Variants in ZNF133 observed in about 807,000 individuals in gnomAD.
The protein encoded by ZNF133 is zinc finger protein 133.
A neutral mutation model predicts 54.9 loss-of-function variants in ZNF133; 26 were observed. The observed-to-expected ratio is 0.47, with a 90% CI of 0.35 to 0.66. ZNF133 has a LOEUF of 0.66. Ranked by LOEUF, ZNF133 falls within the 30% of genes least tolerant of loss-of-function variation. The pLI is 0.01. For missense variants in ZNF133, 653 were observed against 820.8 expected (o/e 0.80, Z 2.50); for synonymous variants, 298 against 320.3 (o/e 0.93, Z 0.74).
In ZNF133 at chr20:18,315,510, G is replaced by A; in HGVS notation, c.659G>A (p.Gly220Glu). The change falls in exon 7 of 7, where the codon GGA (glycine) becomes GAA (glutamate). Residue 220 changes from glycine (G) to glutamate (E), a missense_variant. Gly to Glu is a moderately conservative substitution (Grantham distance 98). Around this residue, in one of 4 missense-constraint regions of ZNF133, gnomAD observed 292 missense variants for 431.6 expected, o/e 0.68. Coordinates refer to ENST00000425686, the MANE Select transcript of ZNF133 (RefSeq NM_001352452.2). ...GGAACAGTCAACTGTGGAGAGTGTG[G>A]ACTGAGCTTCAGCAAGATGACAAAC... The part of the protein sequence containing the change: ...GFGTVNCGEC[G>E]LSFSKMTNLL... 6.2e-7 allele frequency: 1 copy of A among 1,614,194 alleles called. No homozygotes were observed. The highest frequency in any genetic ancestry group is 1.1e-5 in the South Asian group (1 of 91,086).
intron 3 of ZNF133, among the ~76,000 whole-genome samples, chr20:18,299,894 C>T (rs1017588758): frequency 3.3e-5 from 5 of 152,176 alleles, no homozygotes; most frequent in African/African-American, 9.6e-5. Flanking sequence ...AAGACATTCT[C>T]GATAAGTTGG....
intron 3 of ZNF133, among the ~76,000 whole-genome samples, chr20:18,304,763 C>G (rs1016056208): frequency 6.6e-6 from 1 of 152,190 alleles, no homozygotes; most frequent in African/African-American, 2.4e-5. Flanking sequence ...TTAATAGTTA[C>G]AGTGTTTCAA....
At chr20:18,310,170 A>G (rs2045550763) in intron 6 of ZNF133, 3 of 1,340,048 alleles carry the variant, frequency 2.2e-6, no homozygotes, top group Non-Finnish European at 2.9e-6. Context: ...AATTTAAAGA[A>G]AAACAGCAGC....
rs1354820001 is a variant in ZNF133, at chr20:18,305,293, G to A, written c.-7+115G>A. The stretch of plus-strand genomic sequence containing the variant: ...CCATCAGGCCCGAGAAAGCCAAGCC[G>A]TAGGATTTTGAGGAATTACTGAGTT... On this transcript the variant is annotated intron_variant, in intron 4 of 6. Coordinates refer to ENST00000425686, the MANE Select transcript of ZNF133 (RefSeq NM_001352452.2). The surrounding 1 kb of genome is among the most constrained non-coding windows in gnomAD (Gnocchi z 4.7). The A allele has an allele frequency of 1.0e-5, 8 of 765,104 alleles. No homozygotes were observed. The highest frequency in any genetic ancestry group is 5.4e-5 in the South Asian group (1 of 18,398). 47.4% of individuals were successfully genotyped at this position (765,104 alleles called of 1,614,324 possible).
rs531102645 is a variant in ZNF133 at position 18,294,402 on chromosome 20, C to T, written c.-431-3583C>T. Among the ~76,000 whole-genome samples the T allele has an allele frequency of 1.5e-4, 23 of 152,286 alleles. 1 individual carries two copies. In the South Asian group the frequency reaches 4.8e-3, roughly 32 times the overall value. ...ATGACAACTAAAGGCAATGTGGAAA[C>T]CTCAGTTGGATCCTGGACCAGAAAA... is the stretch of plus-strand genomic sequence containing the variant. On this transcript the variant is annotated intron_variant, in intron 1 of 6. Coordinates refer to ENST00000425686, the MANE Select transcript of ZNF133 (RefSeq NM_001352452.2).
rs759035597 is a variant in ZNF133 at position 18,315,278 on chromosome 20, G to A, written c.427G>A (p.Ala143Thr). 1 of 1,614,086 alleles carries A rather than the reference G, an allele frequency of 6.2e-7. No individual in the cohort carries two copies. The stretch of plus-strand genomic sequence containing the variant: ...TGAGGGGAGACCCTGGAGTGATCAA[G>A]CAGAAGGTCCTGAGGGAGAAGGTGC... ...ASEGRPWSDQ[A>T]EGPEGEGAMP... Residue 143 changes from alanine (A) to threonine (T), a missense_variant, in exon 7 of 7, where the codon GCA becomes ACA. Physicochemically the swap from Ala to Thr is moderately conservative, Grantham distance 58. Transcript: ENST00000425686.
chr20:18,314,761 T>C (rs1055830691), intron 6 of ZNF133: 14 of 272,214 alleles, frequency 5.1e-5, no homozygotes, highest in Admixed American at 4.4e-4. Context: ...TGGTTGTGAG[T>C]TAGAAGGTAA....
At position 18,316,916 on chromosome 20, in the gene ZNF133, G is replaced by C. The variant is rs189791817; in HGVS notation, c.*100G>C. The C allele has an allele frequency of 1.9e-5, 26 of 1,377,580 alleles. No homozygotes were observed. The African/African-American group carries it at 2.9e-4, about 15-fold the overall frequency. The allele number at this position is 1,377,580 out of a possible 1,614,324, so 85.3% of individuals were successfully genotyped here. A position where few individuals can be genotyped will look rare whatever the true frequency, so the allele number is the denominator to read the frequency against. On this transcript the variant is annotated 3_prime_UTR_variant, in exon 7 of 7. Coordinates refer to ENST00000425686, the MANE Select transcript of ZNF133 (RefSeq NM_001352452.2). ...GTAAGTGGTCAAAGGACATTTGACT[G>C]TTTACTTTCTCCACACTAAGTCTTC... is the stretch of plus-strand genomic sequence containing the variant.
At chr20:18,292,814 G>A (rs1000154269) in intron 1 of ZNF133, among the ~76,000 whole-genome samples, 2 of 152,194 alleles carry the variant, frequency 1.3e-5, no homozygotes, top group South Asian at 4.1e-4. Context: ...ATAAATACTT[G>A]CCAAATGAAG....
chr20:18,296,160 CTCTT>C (rs1254075293), intron 1 of ZNF133, among the ~76,000 whole-genome samples: 1 of 152,100 alleles, frequency 6.6e-6, no homozygotes, highest in Non-Finnish European at 1.5e-5. Flanking sequence ...TGTTTTCCTC[CTCTT>C]TCTTCTCCCC....
intron 1 of ZNF133, among the ~76,000 whole-genome samples, chr20:18,294,894 A>G (rs1438258463): frequency 2.0e-5 from 3 of 152,162 alleles, no homozygotes; most frequent in African/African-American, 4.8e-5. Context: ...TTTTGCTTCA[A>G]TATTTGTAAG....
In ZNF133 at chr20:18,315,144, A is replaced by C. The variant is rs758224318; in HGVS notation, c.293A>C (p.His98Pro). The change falls in exon 7 of 7, where the codon CAT becomes CCT. Residue 98 changes from histidine to proline, a missense_variant. Physicochemically the swap from His to Pro is moderately conservative, Grantham distance 77. Coordinates refer to ENST00000425686, the MANE Select transcript of ZNF133 (RefSeq NM_001352452.2). Reference protein sequence around the residue: ...GFSSQKFPMQHVLCNHPPWIF... With the variant: ...GFSSQKFPMQPVLCNHPPWIF... Reference sequence around the variant, plus strand: ...TCCAGTCAGAAATTCCCCATGCAGCATGTGCTGTGTAATCATCCCCCCTGG... The same window carrying C: ...TCCAGTCAGAAATTCCCCATGCAGCCTGTGCTGTGTAATCATCCCCCCTGG... 52 of 1,603,384 alleles carry C rather than the reference A, an allele frequency of 3.2e-5. No individual in the cohort carries two copies. The Admixed American group carries it at 8.8e-4, about 27-fold the overall frequency.
chr20:18,316,322 G>C lies in ZNF133; in HGVS notation c.1471G>C (p.Glu491Gln). ...CAGACACCAGAGGACGCACTCAGGC[G>C]AGAAGCCCATGGTGTGTGGGGAGTG... ...LIRHQRTHSGEKPMVCGECGR... is the reference protein window; with the variant it reads ...LIRHQRTHSGQKPMVCGECGR... The change falls in exon 7 of 7, where the codon GAG becomes CAG. Residue 491 changes from glutamate to glutamine, a missense_variant. By Grantham distance (29) the Glu-to-Gln change is conservative. Transcript: ENST00000425686. The C allele has an allele frequency of 3.7e-6, 6 of 1,613,822 alleles. No individual in the cohort carries two copies. The highest frequency in any genetic ancestry group is 4.2e-6 in the Non-Finnish European group (5 of 1,179,892).
At chr20:18,291,794 C>T (rs994164682) in intron 1 of ZNF133, among the ~76,000 whole-genome samples, 2 of 151,710 alleles carry the variant, frequency 1.3e-5, no homozygotes, top group South Asian at 4.2e-4. Flanking sequence ...CTTACTGCAA[C>T]CTCCACTGCC....
In ZNF133 at chr20:18,300,160, G is replaced by A. The variant is rs534939173; in HGVS notation, c.-178+1696G>A. Among the ~76,000 whole-genome samples the A allele has an allele frequency of 3.9e-5, 6 of 152,280 alleles. No homozygotes were observed. In the South Asian group the frequency reaches 1.2e-3, roughly 32 times the overall value. On this transcript the variant is annotated intron_variant, in intron 3 of 6. Transcript: ENST00000425686. ...TAGTCTATGTTTTTGACCACACAGT[G>A]CATAAAGATGTAATTTTGTGACATC...
Position 18,305,794 on chromosome 20 carries a change from C to T in ZNF133, c.108C>T (p.Asn36=), listed in dbSNP as rs150451403. Residue 36 remains asparagine (N), a synonymous_variant, in exon 5 of 7, where the codon AAC becomes AAT. Coordinates refer to ENST00000425686, the MANE Select transcript of ZNF133 (RefSeq NM_001352452.2). The surrounding 1 kb of genome is among the most constrained non-coding windows in gnomAD (Gnocchi z 4.7). ...AGGTGATGCTGGAGAACTACAGCAACCTGGTCTCACTGGGTAAGCCTGATA... is the reference window on the plus strand; with the variant it reads ...AGGTGATGCTGGAGAACTACAGCAATCTGGTCTCACTGGGTAAGCCTGATA... ...YREVMLENYS[N]LVSLGISFSK... is the part of the protein sequence containing the mutation. The T allele has an allele frequency of 8.1e-5, 130 of 1,613,528 alleles. No homozygotes were observed. The highest frequency in any genetic ancestry group is 3.3e-4 in the Middle Eastern group (2 of 6,058).
In ZNF133 at chr20:18,315,683, G is replaced by T. The variant is rs775729180; in HGVS notation, c.832G>T (p.Gly278Cys). ...KPIVCRECGRGFNRKSTLIIH... is the reference protein window; with the variant it reads ...KPIVCRECGRCFNRKSTLIIH... Reference sequence around the variant, plus strand: ...AATTGTGTGCAGGGAGTGTGGACGAGGCTTTAACCGGAAGTCAACGCTAAT... The same window carrying T: ...AATTGTGTGCAGGGAGTGTGGACGATGCTTTAACCGGAAGTCAACGCTAAT... Residue 278 changes from glycine to cysteine, a missense_variant, in exon 7 of 7, where the codon GGC becomes TGC. Physicochemically the swap from Gly to Cys is radical, Grantham distance 159. Transcript: ENST00000425686. 1 of 1,613,758 alleles carries T rather than the reference G, an allele frequency of 6.2e-7. No homozygotes were observed. The highest frequency in any genetic ancestry group is 8.5e-7 in the Non-Finnish European group (1 of 1,179,874).
chr20:18,311,981 C>G (rs1428195245), intron 6 of ZNF133, among the ~76,000 whole-genome samples: 5 of 152,096 alleles, frequency 3.3e-5, no homozygotes, highest in African/African-American at 1.2e-4. Context: ...ATGCTTAGGA[C>G]CATAAGTGTT....
chr20:18,299,868 T>C (rs2043017703), intron 3 of ZNF133, among the ~76,000 whole-genome samples: 1 of 152,180 alleles, frequency 6.6e-6, no homozygotes. Context: ...TGCCCTTCAT[T>C]ACTGAGGCAG....
Sources: allele counts gnomAD v4.1 joint callset (sites outside exome capture counted in the v4.1 genomes callset), GRCh38; gene constraint gnomAD v4.1.1; regional missense constraint gnomAD v4.1.1; non-coding constraint Gnocchi (gnomAD v3.1); transcripts MANE v1.5; gene names NCBI Gene and HGNC (gene_info 2026-07-23, HGNC 2026-07-21).